EXOC6: variants seen among roughly 807,000 people sequenced by gnomAD.
EXOC6 encodes exocyst complex component 6, also known as SEC15-like 1.
Under a neutral mutation model 112.5 loss-of-function variants are expected in EXOC6, and 60 were observed. The observed-to-expected ratio is 0.53, with a 90% CI of 0.43 to 0.66. The LOEUF (loss-of-function observed/expected upper bound fraction) is 0.66. Ranked by LOEUF, EXOC6 falls within the 30% of genes least tolerant of loss-of-function variation. EXOC6 has a pLI of 0.00. For synonymous variants in EXOC6, 295 were observed against 308.0 expected, an observed-to-expected ratio of 0.96 and a Z score of 0.44; for missense variants, 855 against 957.1, an observed-to-expected ratio of 0.89 and a Z score of 1.41.
chr10:92,851,931 G>C (rs147071765), intron 1 of EXOC6, among the ~76,000 whole-genome samples: 2 of 152,146 alleles, frequency 1.3e-5, no homozygotes, highest in Non-Finnish European at 2.9e-5. Flanking sequence ...AGCTAAGTGT[G>C]GTGGTGTGTG....
At chr10:92,967,775 G>A (rs748648291) in intron 17 of EXOC6, among the ~76,000 whole-genome samples, 8 of 152,162 alleles carry the variant, frequency 5.3e-5, no homozygotes, top group South Asian at 2.1e-4. Flanking sequence ...TTTGCCTGGC[G>A]ATAGAAGGGA....
At chr10:92,996,017 T>C (rs1843466667) in intron 18 of EXOC6, among the ~76,000 whole-genome samples, 1 of 152,184 alleles carries the variant, frequency 6.6e-6, no homozygotes, top group South Asian at 2.1e-4. Flanking sequence ...CTATGTAATA[T>C]GTTTTTGTAC....
chr10:92,963,482 A>G (rs1453541780), intron 17 of EXOC6, among the ~76,000 whole-genome samples: 1 of 152,078 alleles, frequency 6.6e-6, no homozygotes, highest in East Asian at 1.9e-4. Context: ...TGATATTATT[A>G]ATCTCTGGCT....
At chr10:92,978,121 A>T (rs977359838) in intron 18 of EXOC6, among the ~76,000 whole-genome samples, 2 of 152,222 alleles carry the variant, frequency 1.3e-5, no homozygotes, top group South Asian at 4.1e-4. Context: ...AAGAAAAAAG[A>T]AAAGTGGGCT....
chr10:92,908,329 A>G (rs1177823488), intron 5 of EXOC6, among the ~76,000 whole-genome samples: 1 of 152,036 alleles, frequency 6.6e-6, no homozygotes, highest in African/African-American at 2.4e-5. Flanking sequence ...TGCTGGGATT[A>G]CAGGTGTGAG....
intron 4 of EXOC6, among the ~76,000 whole-genome samples, chr10:92,896,059 GTATA>G (rs71028855): frequency 3.1e-5 from 2 of 64,246 alleles, no homozygotes; most frequent in East Asian, 7.3e-4. Flanking sequence ...ATATATATGT[GTATA>G]TATATGTGTA....
intron 1 of EXOC6, among the ~76,000 whole-genome samples, chr10:92,850,929 A>G (rs1847295930): frequency 6.6e-6 from 1 of 152,220 alleles, no homozygotes; most frequent in African/African-American, 2.4e-5. Flanking sequence ...TTTGACCACA[A>G]CAGAAGTATA....
At chr10:92,960,744 T>G (rs1287037695) in intron 17 of EXOC6, among the ~76,000 whole-genome samples, 2 of 152,258 alleles carry the variant, frequency 1.3e-5, no homozygotes, top group East Asian at 3.9e-4. Context: ...TAGTTTTGCC[T>G]TTTTCTGGGT....
At chr10:93,036,048 C>G (rs1845499623) in intron 20 of EXOC6, among the ~76,000 whole-genome samples, 2 of 152,010 alleles carry the variant, frequency 1.3e-5, no homozygotes, top group South Asian at 4.2e-4. Context: ...TGGAGAAACC[C>G]CATCTCTACT....
intron 18 of EXOC6, among the ~76,000 whole-genome samples, chr10:92,993,518 T>C (rs908042632): frequency 1.3e-5 from 2 of 152,162 alleles, no homozygotes; most frequent in East Asian, 3.8e-4. Flanking sequence ...AAATGAAAAC[T>C]TCAAATGAAA....
upstream of EXOC6, among the ~76,000 whole-genome samples, chr10:92,831,782 G>A (rs1846490946): frequency 6.6e-6 from 1 of 152,150 alleles, no homozygotes; most frequent in Non-Finnish European, 1.5e-5. Context: ...AGGAGCATAT[G>A]CCTACATTCT....
intron 17 of EXOC6, among the ~76,000 whole-genome samples, chr10:92,965,322 G>A (rs1842001084): frequency 6.6e-6 from 1 of 151,944 alleles, no homozygotes; most frequent in South Asian, 2.1e-4. Context: ...CCTATGGTTG[G>A]GAACCACAGA....
At chr10:93,000,156 A>G (rs568880560) in intron 19 of EXOC6, among the ~76,000 whole-genome samples, 19 of 152,342 alleles carry the variant, frequency 1.2e-4, no homozygotes, top group African/African-American at 4.3e-4. Flanking sequence ...GGATTACTGT[A>G]TTACATCTTT....
intron 18 of EXOC6, among the ~76,000 whole-genome samples, chr10:92,975,992 C>G (rs1379830211): frequency 6.9e-6 from 1 of 144,662 alleles, no homozygotes; most frequent in African/African-American, 2.6e-5. Flanking sequence ...GCCGCCCCTA[C>G]TGGGAAGTGA....
In EXOC6 at chr10:92,919,979, CA is replaced by C. The variant is rs1851337190; in HGVS notation, c.820-2del. 3.8e-6 allele frequency: 6 copies of C among 1,583,094 alleles called. No homozygotes were observed. Among genetic ancestry groups the C allele is most frequent in the Non-Finnish European group, 4.3e-6 (5 of 1,164,218 alleles). On this transcript the variant is annotated splice_acceptor_variant, in intron 7 of 21. Transcript: ENST00000260762. LOFTEE classifies it high-confidence loss of function. ...ATTTTTTTAAAAATGGTTTAATTTT[CA>C]GATCTTAACTGTTCAGGATCTTGTT...
intron 19 of EXOC6, among the ~76,000 whole-genome samples, chr10:92,998,785 G>A (rs950355859): frequency 5.9e-5 from 9 of 151,940 alleles, no homozygotes; most frequent in Middle Eastern, 3.2e-3. Context: ...TTCCCAGAAA[G>A]CATTTTTAAT....
intron 12 of EXOC6, among the ~76,000 whole-genome samples, chr10:92,938,931 T>G (rs1451068962): frequency 6.6e-6 from 1 of 151,832 alleles, no homozygotes; most frequent in Admixed American, 6.6e-5. Flanking sequence ...GAAGGATGAG[T>G]TCAGCAAATA....
intron 20 of EXOC6, among the ~76,000 whole-genome samples, chr10:93,023,315 G>A (rs1810280787): frequency 6.6e-6 from 1 of 152,170 alleles, no homozygotes; most frequent in South Asian, 2.1e-4. Context: ...CAAAGCTGAA[G>A]GCAAGAGAAT....
chr10:92,918,534 C>T (rs1851247250), intron 7 of EXOC6, among the ~76,000 whole-genome samples: 6 of 152,012 alleles, frequency 3.9e-5, no homozygotes, highest in Admixed American at 3.9e-4. Flanking sequence ...CCTGCTTCAG[C>T]CTCCCAAGTA....
Sources: gnomAD v4.1 joint callset for allele counts (sites outside exome capture counted in the v4.1 genomes callset) on GRCh38, gnomAD v4.1.1 for gene constraint, MANE v1.5 for transcripts, NCBI Gene and HGNC (gene_info 2026-07-23, HGNC 2026-07-21) for gene names.